Variants in TDP1 observed in about 807,000 individuals in gnomAD.
The protein encoded by TDP1 is tyr-DNA phosphodiesterase 1.
Under a neutral mutation model 81.5 loss-of-function variants are expected in TDP1, and 64 were observed. The observed-to-expected ratio is 0.79, with a 90% CI of 0.64 to 0.97. The LOEUF is 0.97. Among genes scored for constraint, TDP1 ranks in the 50% least tolerant of loss-of-function variants. The pLI is 0.00. For synonymous variants in TDP1, 256 were observed against 264.3 expected (o/e 0.97, Z 0.30); for missense variants, 723 against 743.8 (o/e 0.97, Z 0.33).
At chr14:89,955,848 C>CGGAAGG, upstream of TDP1, 2 of 143,620 alleles carry the variant, frequency 1.4e-5, no homozygotes, top group Admixed American at 1.3e-4. Context: ...GTGGGCTCTC[C>CGGAAGG]GGAAGGGGAA....
intron 7 of TDP1, among the ~76,000 whole-genome samples, chr14:89,979,099 C>G (rs962326648): frequency 5.9e-5 from 9 of 151,956 alleles, no homozygotes; most frequent in Admixed American, 5.9e-4. Context: ...GCATTTTGGC[C>G]TCAATAGAAA....
In TDP1 at chr14:89,968,719, A is replaced by G. The variant is rs573452435; in HGVS notation, c.659+1297A>G. 1.9e-4 allele frequency among the ~76,000 whole-genome samples: 29 copies of G among 152,310 alleles called. No homozygotes were observed. In the South Asian group the frequency reaches 5.6e-3, roughly 29 times the overall value. ...TCGCAGTAGTATCCTTGGGTGTCAC[A>G]TTGGCATTTTCTGTTCTTCCTCCCT... On this transcript the variant is annotated intron_variant, in intron 5 of 16. Coordinates refer to ENST00000335725, the MANE Select transcript of TDP1 (RefSeq NM_018319.4).
intron 8 of TDP1, among the ~76,000 whole-genome samples, chr14:89,981,847 G>A (rs1404617382): frequency 6.6e-6 from 1 of 151,996 alleles, no homozygotes. Context: ...CACCACACTT[G>A]GCTAACTGTC....
chr14:90,031,713 A>C lies in TDP1; in HGVS notation c.1645-1393A>C, dbSNP rs148193697. ...AACTGTCCCACTCAACATCTGTTTT[A>C]GTCCCTGGGACCTGCCAGGCTCTTT... On this transcript the variant is annotated intron_variant, in intron 15 of 16. Transcript: ENST00000335725. Among the ~76,000 whole-genome samples the C allele has an allele frequency of 5.4e-4, 82 of 152,254 alleles. 1 individual carries two copies. The East Asian group carries it at 0.015, about 28-fold the overall frequency.
In TDP1 at chr14:90,044,297, C is replaced by T. The variant is rs1392334236; in HGVS notation, c.*1154C>T. Reference sequence around the variant, plus strand: ...TGCCTTAAATTCACAAGTGAGGAAGCTAAGGCCTAGAAGGTTAAGGATGTC... The same window carrying T: ...TGCCTTAAATTCACAAGTGAGGAAGTTAAGGCCTAGAAGGTTAAGGATGTC... On this transcript the variant is annotated 3_prime_UTR_variant, in exon 17 of 17. Transcript: ENST00000335725. 1 of 152,206 alleles carries T rather than the reference C, an allele frequency of 6.6e-6. No homozygotes were observed. The highest frequency in any genetic ancestry group is 1.5e-5 in the Non-Finnish European group (1 of 68,046). The allele number at this position is 152,206 out of a possible 1,614,324, so 9.4% of individuals were successfully genotyped here.
intron 14 of TDP1, among the ~76,000 whole-genome samples, chr14:90,015,887 G>C (rs1017801291): frequency 6.6e-6 from 1 of 151,934 alleles, no homozygotes; most frequent in Non-Finnish European, 1.5e-5. Context: ...GAATTCTGGG[G>C]GACACAAACA....
chr14:90,027,618 T>C (rs190144585), intron 15 of TDP1, among the ~76,000 whole-genome samples: 1 of 152,210 alleles, frequency 6.6e-6, no homozygotes, highest in Admixed American at 6.5e-5. Context: ...GGGAAACACA[T>C]TGGACAGATC....
chr14:90,022,075 C>G (rs1179101517), intron 15 of TDP1, among the ~76,000 whole-genome samples: 2 of 152,178 alleles, frequency 1.3e-5, no homozygotes, highest in Non-Finnish European at 2.9e-5. Context: ...ATGGCTTTAC[C>G]CTTCCCCTCC....
chr14:89,990,547 C>CTTTTT (rs34248681), intron 12 of TDP1, among the ~76,000 whole-genome samples: 3 of 102,366 alleles, frequency 2.9e-5, no homozygotes, highest in Non-Finnish European at 3.9e-5. Flanking sequence ...TGTATTAGCC[C>CTTTTT]TTTTTTTTTT....
At chr14:90,008,932 C>T (rs992649967) in intron 14 of TDP1, among the ~76,000 whole-genome samples, 1 of 152,164 alleles carries the variant, frequency 6.6e-6, no homozygotes, top group African/African-American at 2.4e-5. Flanking sequence ...TGGTCTCAAG[C>T]CTCTGGCCTC....
rs762485285 is a variant in TDP1 at position 89,963,497 on chromosome 14, A to G, written c.383A>G (p.Glu128Gly). The G allele has an allele frequency of 1.9e-6, 3 of 1,604,062 alleles. No homozygotes were observed. In the Admixed American group the frequency reaches 5.1e-5, roughly 27 times the overall value. The change falls in exon 3 of 17, where the codon GAA becomes GGA. Residue 128 changes from glutamate to glycine, a missense_variant. Transcript: ENST00000335725. Reference sequence around the variant, plus strand: ...AATGACGGCACTGCCCAAAGAACTGAAAATCATGGCGCTCCCGCCTGCCAC... The same window carrying G: ...AATGACGGCACTGCCCAAAGAACTGGAAATCATGGCGCTCCCGCCTGCCAC... ...APNDGTAQRT[E>G]NHGAPACHRL...
At chr14:89,955,251 TAGATCTTCAATGAA>T (rs1891449433), upstream of TDP1, 1 of 152,304 alleles carries the variant, frequency 6.6e-6, no homozygotes, top group African/African-American at 2.4e-5. Flanking sequence ...TGGCACAAAG[TAGATCTTCAATGAA>T]AGAACGAAAC....
chr14:89,971,617 T>C (rs1893677915), intron 6 of TDP1, among the ~76,000 whole-genome samples: 1 of 152,180 alleles, frequency 6.6e-6, no homozygotes, highest in South Asian at 2.1e-4. Context: ...TCTCCCTTCG[T>C]TTTCTCTCTT....
At chr14:90,018,623 G>A (rs1885597885) in intron 14 of TDP1, among the ~76,000 whole-genome samples, 1 of 152,072 alleles carries the variant, frequency 6.6e-6, no homozygotes, top group Non-Finnish European at 1.5e-5. Context: ...ACCATGCCTG[G>A]CTAATGTTTT....
chr14:89,966,492 A>T lies in TDP1; in HGVS notation c.603+302A>T, dbSNP rs184496703. Among the ~76,000 whole-genome samples the T allele has an allele frequency of 1.3e-3, 194 of 152,344 alleles. 1 individual carries two copies. The highest frequency in any genetic ancestry group is 4.4e-3 in the African/African-American group (181 of 41,586). On this transcript the variant is annotated intron_variant, in intron 4 of 16. Transcript: ENST00000335725. ...GACACTTCTTTTGGGGATACTGATT[A>T]ACTCATGGGACTGAGTTAACTCTGG...
Position 89,991,991 on chromosome 14 carries a change from A to G in TDP1, c.1433+8A>G. On this transcript the variant is annotated splice_region_variant and intron_variant, in intron 13 of 16. Coordinates refer to ENST00000335725, the MANE Select transcript of TDP1 (RefSeq NM_018319.4). ...GCTGCATTCCTATTTTCAGTAAGTA[A>G]TTGGTTTAGACTGCTGCTATTGCTT... 1.2e-6 allele frequency: 2 copies of G among 1,610,422 alleles called. No individual in the cohort carries two copies. The highest frequency in any genetic ancestry group is 2.2e-5 in the East Asian group (1 of 44,742).
intron 5 of TDP1, 26 bp downstream of exon 5, chr14:89,967,448 C>G (rs927562782): frequency 1.3e-6 from 2 of 1,599,826 alleles, no homozygotes; most frequent in Admixed American, 3.3e-5. Flanking sequence ...TGACAGACAA[C>G]ACTATAAACT....
At chr14:89,998,420 A>ATATATATATATATATG (rs1566891293) in intron 14 of TDP1, among the ~76,000 whole-genome samples, 2 of 79,300 alleles carry the variant, frequency 2.5e-5, no homozygotes, top group African/African-American at 1.3e-4. Context: ...ATATATATAT[A>ATATATATATATATATG]TATGTATGTA....
chr14:89,961,615 G>C (rs574576480), intron 2 of TDP1, among the ~76,000 whole-genome samples: 1 of 152,128 alleles, frequency 6.6e-6, no homozygotes, highest in East Asian at 1.9e-4. Flanking sequence ...GAAGGGAGGG[G>C]ATATAACAGG....
Sources: gnomAD v4.1 joint callset for allele counts (sites outside exome capture counted in the v4.1 genomes callset) on GRCh38, gnomAD v4.1.1 for gene constraint, MANE v1.5 for transcripts, NCBI Gene and HGNC (gene_info 2026-07-23, HGNC 2026-07-21) for gene names.